DUSP19: variants seen among roughly 807,000 people sequenced by gnomAD.
The protein encoded by DUSP19 is dual specificity phosphatase 19, also known as dual specificity protein phosphatase 19.
A neutral mutation model predicts 16.6 loss-of-function variants in DUSP19; 14 were observed. The ratio of observed to expected loss-of-function variants is 0.84; its 90% CI spans 0.56 to 1.32. The LOEUF (loss-of-function observed/expected upper bound fraction) is 1.32, where lower values mean the gene tolerates loss of function less well. Ranked by LOEUF, DUSP19 falls within the 40% of genes most tolerant of loss-of-function variation. DUSP19 has a pLI of 0.00. For missense variants in DUSP19, 258 were observed against 255.9 expected, an observed-to-expected ratio of 1.01 and a Z score of -0.06; for synonymous variants, 81 against 90.5, an observed-to-expected ratio of 0.90 and a Z score of 0.59.
At chr2:183,081,886 T>C (rs1209312495) in intron 1 of DUSP19, among the ~76,000 whole-genome samples, 1 of 150,306 alleles carries the variant, frequency 6.7e-6, no homozygotes, top group African/African-American at 2.4e-5. Flanking sequence ...GATGGGTAAC[T>C]TAAAAAAAAA....
chr2:183,086,541 T>A (rs1236046347), intron 2 of DUSP19, among the ~76,000 whole-genome samples: 2 of 151,400 alleles, frequency 1.3e-5, no homozygotes, highest in African/African-American at 4.9e-5. Flanking sequence ...GTGTGGTGGC[T>A]TATACCTGTA....
intron 3 of DUSP19, among the ~76,000 whole-genome samples, chr2:183,090,310 CTG>C (rs1470222012): frequency 3.3e-5 from 5 of 152,174 alleles, no homozygotes; most frequent in Non-Finnish European, 5.9e-5. Context: ...TCATTTCCCT[CTG>C]TACTTGCAAA....
At chr2:183,092,738 C>G (rs575791567) in intron 3 of DUSP19, among the ~76,000 whole-genome samples, 2 of 131,212 alleles carry the variant, frequency 1.5e-5, no homozygotes, top group African/African-American at 5.7e-5. Flanking sequence ...GAATCTTACT[C>G]TGTCAACCAG....
Position 183,092,558 on chromosome 2 carries a change from A to G in DUSP19, c.427-2873A>G, listed in dbSNP as rs145810138. On this transcript the variant is annotated intron_variant, in intron 3 of 3. Coordinates refer to ENST00000354221, the MANE Select transcript of DUSP19 (RefSeq NM_080876.4). ...CTTCCAGCTCCATCTGTGTCCCTGC[A>G]AAGGACATGATCTCATTCTTTTTAT... Among the ~76,000 whole-genome samples the G allele has an allele frequency of 2.5e-3, 380 of 152,258 alleles. 2 individuals are homozygous for G. The highest frequency in any genetic ancestry group is 8.9e-3 in the African/African-American group (369 of 41,546).
At chr2:183,086,514 G>A (rs546235629) in intron 2 of DUSP19, among the ~76,000 whole-genome samples, 1 of 152,056 alleles carries the variant, frequency 6.6e-6, no homozygotes, top group South Asian at 2.1e-4. Flanking sequence ...CCAGGGCTAT[G>A]AAAATATATA....
Position 183,095,739 on chromosome 2 carries a change from A to G in DUSP19, c.*81A>G. On this transcript the variant is annotated 3_prime_UTR_variant, in exon 4 of 4. Transcript: ENST00000354221. ...ATCTTTTCCCTTTTTTGGAGAGTAG[A>G]CTAGCAAAACTCCCTTTTTTCTCTT... 2 of 1,091,830 alleles carry G rather than the reference A, an allele frequency of 1.8e-6. No individual in the cohort carries two copies. Among genetic ancestry groups the G allele is most frequent in the Non-Finnish European group, 2.6e-6 (2 of 765,470 alleles). The allele number at this position is 1,091,830 out of a possible 1,614,324, so 67.6% of individuals were successfully genotyped here. A position where few individuals can be genotyped will look rare whatever the true frequency, so the allele number is the denominator to read the frequency against.
At chr2:183,083,032 C>T (rs531076060) in intron 1 of DUSP19, among the ~76,000 whole-genome samples, 1 of 151,940 alleles carries the variant, frequency 6.6e-6, no homozygotes, top group South Asian at 2.1e-4. Flanking sequence ...CTTCTGAATA[C>T]CTGGGAATAC....
intron 3 of DUSP19, among the ~76,000 whole-genome samples, chr2:183,093,253 A>G (rs1033444528): frequency 6.6e-6 from 1 of 152,196 alleles, no homozygotes. Context: ...GGTGATTTTG[A>G]ATTTTTGAAA....
rs1404523374 is a variant in DUSP19 at position 183,095,416 on chromosome 2, T to A, written c.427-15T>A. 1.0e-6 allele frequency: 1 copy of A among 961,964 alleles called. No individual in the cohort carries two copies. The highest frequency in any genetic ancestry group is 2.5e-5 in the African/African-American group (1 of 40,652). 59.6% of individuals were successfully genotyped at this position (961,964 alleles called of 1,614,324 possible). A position where few individuals can be genotyped will look rare whatever the true frequency, so the allele number is the denominator to read the frequency against. ...AATGAATAATGAAGATTTTTGTTTG[T>A]TTTTTTTTTTGTAGGATGGAGTGGT... On this transcript the variant is annotated splice_polypyrimidine_tract_variant and intron_variant, in intron 3 of 3. Coordinates refer to ENST00000354221, the MANE Select transcript of DUSP19 (RefSeq NM_080876.4).
chr2:183,081,372 A>G (rs925435639), intron 1 of DUSP19, among the ~76,000 whole-genome samples: 2 of 152,110 alleles, frequency 1.3e-5, no homozygotes, highest in Admixed American at 6.5e-5. Context: ...CAGCCTCTGA[A>G]TAGCTGGGAA....
chr2:183,096,946 A>G lies in DUSP19; in HGVS notation c.*1288A>G, dbSNP rs1417106037. 3 of 152,288 alleles carry G rather than the reference A, an allele frequency of 2.0e-5. No individual in the cohort carries two copies. Among genetic ancestry groups the G allele is most frequent in the African/African-American group, 7.2e-5 (3 of 41,476 alleles). 9.4% of individuals were successfully genotyped at this position (152,288 alleles called of 1,614,324 possible). A position where few individuals can be genotyped will look rare whatever the true frequency, so the allele number is the denominator to read the frequency against. On this transcript the variant is annotated 3_prime_UTR_variant, in exon 4 of 4. Coordinates refer to ENST00000354221, the MANE Select transcript of DUSP19 (RefSeq NM_080876.4). ...GAAGAACTGAGCTCTGTACATTATAAATTTGCTTAAAGATTTTGATTTTTT... is the reference window on the plus strand; with the variant it reads ...GAAGAACTGAGCTCTGTACATTATAGATTTGCTTAAAGATTTTGATTTTTT...
At chr2:183,092,710 T>TTG (rs1395598079) in intron 3 of DUSP19, among the ~76,000 whole-genome samples, 1 of 149,794 alleles carries the variant, frequency 6.7e-6, no homozygotes, top group African/African-American at 2.5e-5. Flanking sequence ...TTTTTTTTTT[T>TTG]TTTTTTTTTT....
intron 3 of DUSP19, among the ~76,000 whole-genome samples, chr2:183,092,261 T>C (rs987659461): frequency 3.3e-5 from 5 of 152,310 alleles, no homozygotes; most frequent in Non-Finnish European, 5.9e-5. Context: ...CTGGGGCACA[T>C]GTACAGGATG....
Position 183,095,603 on chromosome 2 carries a change from A to T in DUSP19, c.599A>T (p.Tyr200Phe), listed in dbSNP as rs1559131447. 6.2e-7 allele frequency: 1 copy of T among 1,613,988 alleles called. No individual in the cohort carries two copies. Among genetic ancestry groups the T allele is most frequent in the Non-Finnish European group, 8.5e-7 (1 of 1,179,972 alleles). The change falls in exon 4 of 4, where the codon TAT becomes TTT. Residue 200 changes from tyrosine to phenylalanine, a missense_variant. Transcript: ENST00000354221. ...GGCTTCATGGAGCAGCTTCGTACAT[A>T]TCAAGAGGGCAAAGAAAGCAATAAG... ...NSGFMEQLRTYQEGKESNKCD... is the reference protein window; with the variant it reads ...NSGFMEQLRTFQEGKESNKCD...
intron 1 of DUSP19, among the ~76,000 whole-genome samples, chr2:183,083,078 AT>A (rs150305813): frequency 0.05 from 7,597 of 151,584 alleles, 243 homozygotes; most frequent in Middle Eastern, 0.071. Flanking sequence ...ATTAAAAAAA[AT>A]TTTTTTTCTA....
chr2:183,089,830 C>T (rs573821185), intron 3 of DUSP19, among the ~76,000 whole-genome samples: 18 of 152,342 alleles, frequency 1.2e-4, no homozygotes, highest in African/African-American at 2.2e-4. Context: ...AACTCAGTGC[C>T]ATGACACAAT....
intron 3 of DUSP19, among the ~76,000 whole-genome samples, chr2:183,091,219 A>G (rs1468510386): frequency 6.6e-6 from 1 of 152,212 alleles, no homozygotes; most frequent in Non-Finnish European, 1.5e-5. Flanking sequence ...ATGGGTCTAA[A>G]TAAGTACCTA....
chr2:183,085,551 G>A (rs1454415943), intron 2 of DUSP19, among the ~76,000 whole-genome samples: 1 of 151,560 alleles, frequency 6.6e-6, no homozygotes, highest in Non-Finnish European at 1.5e-5. Flanking sequence ...AAGCCATATT[G>A]CAAAAGATTG....
intron 1 of DUSP19, 63 bp from the exon 2 acceptor site, chr2:183,083,445 A>G (rs1477996398): frequency 6.9e-7 from 1 of 1,452,512 alleles, no homozygotes; most frequent in Non-Finnish European, 9.3e-7. Flanking sequence ...TGCTGTAGAA[A>G]TTTATATAAA....
Sources: gnomAD v4.1 joint callset for allele counts (sites outside exome capture counted in the v4.1 genomes callset) on GRCh38, gnomAD v4.1.1 for gene constraint, MANE v1.5 for transcripts, NCBI Gene and HGNC (gene_info 2026-07-23, HGNC 2026-07-21) for gene names.